Variants in ANO3 observed in about 807,000 individuals in gnomAD.
The protein encoded by ANO3 is anoctamin 3, also known as anoctamin-3.
ANO3 carries 99 observed loss-of-function variants against 144.8 expected under a neutral mutation model. The ratio of observed to expected loss-of-function variants is 0.68; its 90% confidence interval spans 0.58 to 0.81. The LOEUF (loss-of-function observed/expected upper bound fraction) is 0.81, where lower values mean the gene tolerates loss of function less well. Ranked by LOEUF, ANO3 falls within the 30% of genes least tolerant of loss-of-function variation. The pLI is 0.00. For missense variants in ANO3, 905 were observed against 1,202.2 expected (o/e 0.75, Z 3.66); for synonymous variants, 414 against 392.6 (o/e 1.05, Z -0.64).
intron 1 of ANO3, among the ~76,000 whole-genome samples, chr11:26,336,952 G>A (rs953782165): frequency 2.0e-4 from 31 of 152,182 alleles, no homozygotes; most frequent in Admixed American, 5.9e-4. Flanking sequence ...GGCTGGTACT[G>A]AATATCAACC....
intron 1 of ANO3, among the ~76,000 whole-genome samples, chr11:26,272,540 C>A (rs1237775491): frequency 1.3e-5 from 2 of 152,060 alleles, no homozygotes; most frequent in East Asian, 3.9e-4. Flanking sequence ...CATTTTATGA[C>A]AATTTAAAGT....
At chr11:26,296,118 T>C (rs1854083001) in intron 1 of ANO3, among the ~76,000 whole-genome samples, 1 of 152,220 alleles carries the variant, frequency 6.6e-6, no homozygotes, top group African/African-American at 2.4e-5. Flanking sequence ...CAGTAGTAAA[T>C]TGGCAGTGGA....
chr11:26,512,067 G>A (rs185006148), intron 5 of ANO3, among the ~76,000 whole-genome samples: 2 of 152,216 alleles, frequency 1.3e-5, no homozygotes, highest in East Asian at 3.9e-4. Context: ...AAATAAATTT[G>A]GATTACTGAA....
At chr11:26,337,803 C>T (rs537441086) in intron 1 of ANO3, among the ~76,000 whole-genome samples, 7 of 152,016 alleles carry the variant, frequency 4.6e-5, no homozygotes, top group East Asian at 3.9e-4. Flanking sequence ...GGTGTGGTGA[C>T]GGGCACCTGT....
At chr11:26,272,702 G>C (rs1355895161) in intron 1 of ANO3, among the ~76,000 whole-genome samples, 1 of 152,154 alleles carries the variant, frequency 6.6e-6, no homozygotes, top group Non-Finnish European at 1.5e-5. Context: ...ATGCCATTAA[G>C]AAAATAATTG....
chr11:26,536,318 C>CA (rs776107828), intron 9 of ANO3, among the ~76,000 whole-genome samples: 3,904 of 92,646 alleles, frequency 0.042, 88 homozygotes, highest in Non-Finnish European at 0.065. Context: ...GACTCTGTCT[C>CA]AAAAAAAAAA....
At chr11:26,200,433 T>C (rs939383217) in intron 1 of ANO3, among the ~76,000 whole-genome samples, 1 of 152,168 alleles carries the variant, frequency 6.6e-6, no homozygotes, top group African/African-American at 2.4e-5. Flanking sequence ...CTTTATCATA[T>C]GCTATGTCTG....
chr11:26,572,358 T>A, intron 14 of ANO3: 1 of 505,166 alleles, frequency 2.0e-6, no homozygotes, highest in African/African-American at 2.1e-5. Flanking sequence ...GACAAGGTAT[T>A]ACTCTCGTCA....
chr11:26,520,928 T>C (rs1314238064), intron 6 of ANO3, among the ~76,000 whole-genome samples: 3 of 152,174 alleles, frequency 2.0e-5, no homozygotes, highest in African/African-American at 7.2e-5. Flanking sequence ...ATAAATTGTA[T>C]AGCCTTTTCC....
chr11:26,228,468 C>G (rs1034519041), intron 1 of ANO3, among the ~76,000 whole-genome samples: 1 of 152,202 alleles, frequency 6.6e-6, no homozygotes, highest in South Asian at 2.1e-4. Flanking sequence ...CTGGCATCAA[C>G]AAACACAAGA....
intron 14 of ANO3, among the ~76,000 whole-genome samples, chr11:26,578,768 C>A (rs2132851409): frequency 6.6e-6 from 1 of 152,286 alleles, no homozygotes; most frequent in Middle Eastern, 3.4e-3. Flanking sequence ...GAGTTATAGG[C>A]TCCCTGTAGA....
intron 24 of ANO3, among the ~76,000 whole-genome samples, chr11:26,653,531 C>A (rs888550796): frequency 6.6e-6 from 1 of 152,078 alleles, no homozygotes; most frequent in Non-Finnish European, 1.5e-5. Flanking sequence ...GCTCAAAACT[C>A]AGTAGTGTCT....
intron 20 of ANO3, among the ~76,000 whole-genome samples, chr11:26,637,207 C>T (rs1306057650): frequency 2.0e-5 from 3 of 152,194 alleles, no homozygotes; most frequent in African/African-American, 7.2e-5. Flanking sequence ...GTCATCAAGG[C>T]TTAATTTCAA....
intron 1 of ANO3, among the ~76,000 whole-genome samples, chr11:26,281,574 C>T (rs2133844823): frequency 6.6e-6 from 1 of 152,258 alleles, no homozygotes; most frequent in South Asian, 2.1e-4. Context: ...ATTTTGACCC[C>T]ACCCTAGGAA....
At position 26,542,075 on chromosome 11, in the gene ANO3, C is replaced by T. The variant is rs766874900; in HGVS notation, c.1154+7C>T. On this transcript the variant is annotated splice_region_variant and intron_variant, in intron 11 of 26. Transcript: ENST00000256737. The stretch of plus-strand genomic sequence containing the variant: ...AGCCTCTGGATTTAATCAGGTACTG[C>T]AAATGGAACAATAATGAAAAGCAAA... The T allele has an allele frequency of 6.2e-7, 1 of 1,604,496 alleles. No homozygotes were observed. The highest frequency in any genetic ancestry group is 1.1e-5 in the South Asian group (1 of 89,242).
intron 1 of ANO3, among the ~76,000 whole-genome samples, chr11:26,379,921 G>C (rs2045703): frequency 2.0e-5 from 3 of 151,950 alleles, no homozygotes; most frequent in African/African-American, 7.3e-5. Context: ...AACACCTTGA[G>C]CATTTAGATG....
intron 1 of ANO3, among the ~76,000 whole-genome samples, chr11:26,274,715 T>G (rs542934291): frequency 1.3e-5 from 2 of 152,274 alleles, no homozygotes; most frequent in African/African-American, 2.4e-5. Context: ...ATACTTTTGC[T>G]TTAGGTTAGG....
In ANO3 at chr11:26,662,746, C is replaced by T. The variant is rs1853916107; in HGVS notation, c.*2302C>T. On this transcript the variant is annotated 3_prime_UTR_variant, in exon 27 of 27. Coordinates refer to ENST00000256737, the MANE Select transcript of ANO3 (RefSeq NM_031418.4). ...GAAAAACAGAAAAAGAAAAAATTGT[C>T]TGAAATGTTTATTTTGCAAAACAGT... The T allele has an allele frequency of 6.6e-6, 1 of 151,538 alleles. No homozygotes were observed. The highest frequency in any genetic ancestry group is 2.1e-4 in the South Asian group (1 of 4,818). The allele number at this position is 151,538 out of a possible 1,614,324, so 9.4% of individuals were successfully genotyped here. A position where few individuals can be genotyped will look rare whatever the true frequency, so the allele number is the denominator to read the frequency against.
intron 1 of ANO3, among the ~76,000 whole-genome samples, chr11:26,218,606 T>C (rs891068115): frequency 1.3e-5 from 2 of 152,150 alleles, no homozygotes; most frequent in Non-Finnish European, 1.5e-5. Context: ...CAAAGAGCTG[T>C]ACTGATATAA....
Sources: allele counts gnomAD v4.1 joint callset (sites outside exome capture counted in the v4.1 genomes callset), GRCh38; gene constraint gnomAD v4.1.1; transcripts MANE v1.5; gene names NCBI Gene and HGNC (gene_info 2026-07-23, HGNC 2026-07-21).